RHOBTB2: variants seen among roughly 807,000 people sequenced by gnomAD.
The protein encoded by RHOBTB2 is rho-related BTB domain-containing protein 2.
Under a neutral mutation model 66.5 loss-of-function variants are expected in RHOBTB2, and 39 were observed. The ratio of observed to expected loss-of-function variants is 0.59; its 90% CI spans 0.45 to 0.77. The LOEUF (loss-of-function observed/expected upper bound fraction) is 0.77. RHOBTB2 is among the 30% of genes least tolerant of loss of function. The pLI, the probability that RHOBTB2 is intolerant of heterozygous loss-of-function variation, is 0.00. For synonymous variants in RHOBTB2, 390 were observed against 395.0 expected, an observed-to-expected ratio of 0.99 and a Z score of 0.15; for missense variants, 755 against 999.1, an observed-to-expected ratio of 0.76 and a Z score of 3.29.
chr8:22,994,587 C>A, upstream of RHOBTB2: 1 of 1,551,458 alleles, frequency 6.4e-7, no homozygotes, highest in Non-Finnish European at 8.7e-7. Context: ...CAGAGCGATG[C>A]AAGCCTGGAG....
the RHOBTB2 span, among the ~76,000 whole-genome samples, chr8:22,979,683 T>C: frequency 6.6e-6 from 1 of 151,730 alleles, no homozygotes; most frequent in East Asian, 1.9e-4. Context: ...TGAGCCAAAT[T>C]ATGGGAATTC....
At position 23,019,410 on chromosome 8, in the gene RHOBTB2, A is replaced by G. The variant is rs964631973; in HGVS notation, c.*1941A>G. 6.5e-6 allele frequency: 1 copy of G among 152,746 alleles called. No homozygotes were observed. 9.5% of individuals were successfully genotyped at this position (152,746 alleles called of 1,614,324 possible). Reference sequence around the variant, plus strand: ...GAAAGCCACGCGTATGCTGCCCTCTACAGGCTGCTCGGCCTCCCTGCAGCT... The same window carrying G: ...GAAAGCCACGCGTATGCTGCCCTCTGCAGGCTGCTCGGCCTCCCTGCAGCT... On this transcript the variant is annotated 3_prime_UTR_variant, in exon 10 of 10. Transcript: ENST00000251822.
chr8:22,964,880 G>A, the RHOBTB2 span, among the ~76,000 whole-genome samples: 9 of 150,864 alleles, frequency 6.0e-5, no homozygotes, highest in African/African-American at 1.2e-4. Flanking sequence ...GCAATGGTGC[G>A]GTCTCAACTC....
the RHOBTB2 span, among the ~76,000 whole-genome samples, chr8:22,980,439 C>T: frequency 5.3e-5 from 8 of 152,170 alleles, no homozygotes; most frequent in Non-Finnish European, 1.2e-4. Context: ...ATTATAACTG[C>T]ATGTTCATTG....
chr8:22,967,319 T>C, the RHOBTB2 span, among the ~76,000 whole-genome samples: 1 of 151,966 alleles, frequency 6.6e-6, no homozygotes, highest in Non-Finnish European at 1.5e-5. Context: ...CATAAAAGGG[T>C]AAATACTGGC....
chr8:23,005,911 T>C (rs776846071), intron 3 of RHOBTB2, 49 bp from the exon 4 acceptor site: 1 of 1,564,046 alleles, frequency 6.4e-7, no homozygotes, highest in East Asian at 2.3e-5. Flanking sequence ...CAGGACCAGG[T>C]AAGCTACCAC....
intron 1 of RHOBTB2, among the ~76,000 whole-genome samples, chr8:23,000,872 C>T (rs1176410134): frequency 3.3e-5 from 5 of 152,130 alleles, no homozygotes; most frequent in Non-Finnish European, 7.4e-5. Context: ...AGGAGACAAG[C>T]CAGGCTCCCA....
chr8:22,993,248 C>A (rs770041238), intron 2 of RHOBTB2, among the ~76,000 whole-genome samples: 1 of 152,164 alleles, frequency 6.6e-6, no homozygotes, highest in Non-Finnish European at 1.5e-5. Context: ...CAGCCTCGAA[C>A]TCCTGGGCTC....
At chr8:22,956,679 G>C in the RHOBTB2 span, among the ~76,000 whole-genome samples, 1 of 152,118 alleles carries the variant, frequency 6.6e-6, no homozygotes, top group Non-Finnish European at 1.5e-5. Context: ...GTTTGTTTTT[G>C]AGACAGGGTT....
the RHOBTB2 span, among the ~76,000 whole-genome samples, chr8:22,962,213 AGGAAAGAAAG>A: frequency 4.3e-5 from 5 of 115,868 alleles, no homozygotes; most frequent in South Asian, 2.9e-4. Context: ...AAAAAAAAAA[AGGAAAGAAAG>A]AGAAAGTAAC....
chr8:23,002,604 C>T (rs574275123), intron 1 of RHOBTB2, among the ~76,000 whole-genome samples: 2 of 152,310 alleles, frequency 1.3e-5, no homozygotes, highest in African/African-American at 4.8e-5. Context: ...GCAGGAGAAT[C>T]ACTTGAACCC....
chr8:22,998,365 G>A (rs368148642), upstream of RHOBTB2, among the ~76,000 whole-genome samples: 292 of 152,200 alleles, frequency 1.9e-3, 1 homozygote, highest in African/African-American at 6.6e-3. Flanking sequence ...GGCTGGTCTG[G>A]GCTTTAAAAA....
chr8:22,967,601 C>G, the RHOBTB2 span, among the ~76,000 whole-genome samples: 1 of 45,264 alleles, frequency 2.2e-5, no homozygotes, highest in Admixed American at 3.2e-4. Context: ...AAAACTCTGT[C>G]TAAAAAAAAA....
chr8:22,955,134 A>G, the RHOBTB2 span, among the ~76,000 whole-genome samples: 1 of 152,204 alleles, frequency 6.6e-6, no homozygotes, highest in Non-Finnish European at 1.5e-5. Flanking sequence ...CTGTCTCAAA[A>G]AAAAGAAAAG....
rs374215851 is a variant in RHOBTB2, at chr8:23,004,560, G to A, written c.126G>A (p.Gln42=). The A allele has an allele frequency of 9.3e-6, 15 of 1,614,086 alleles. No individual in the cohort carries two copies. Among genetic ancestry groups the A allele is most frequent in the Non-Finnish European group, 1.3e-5 (15 of 1,180,050 alleles). Residue 42 remains glutamine, a synonymous_variant, in exon 2 of 10, where the codon CAG becomes CAA. Coordinates refer to ENST00000251822, the MANE Select transcript of RHOBTB2 (RefSeq NM_015178.3). This position sits in a 1 kb window ranked among gnomAD's most constrained non-coding sequence, Gnocchi z 6.4. The part of the protein sequence containing the change: ...CARACNATLT[Q]YQLLATHVPT... The stretch of plus-strand genomic sequence containing the variant: ...GCGCTTGCAATGCCACCCTCACCCA[G>A]TACCAGCTGCTGGCCACGCATGTGC...
chr8:22,969,209 C>A, the RHOBTB2 span, among the ~76,000 whole-genome samples: 2 of 152,182 alleles, frequency 1.3e-5, no homozygotes, highest in African/African-American at 4.8e-5. Flanking sequence ...ACCATCAGCT[C>A]TTGTGTGACT....
upstream of RHOBTB2, among the ~76,000 whole-genome samples, chr8:22,998,742 A>AG (rs1158712222): frequency 6.6e-6 from 1 of 150,518 alleles, no homozygotes; most frequent in Admixed American, 6.6e-5. Flanking sequence ...AAAAAAAAAA[A>AG]AAAAGATTAT....
chr8:22,958,846 A>G, the RHOBTB2 span, among the ~76,000 whole-genome samples: 1 of 150,564 alleles, frequency 6.6e-6, no homozygotes, highest in African/African-American at 2.4e-5. Flanking sequence ...CATCTGAAGT[A>G]TGCTCTGAGG....
At position 22,993,915 on chromosome 8, in the gene RHOBTB2, G is replaced by A. The variant is rs1810482772; in HGVS notation, c.-23-646G>A. On this transcript the variant is annotated intron_variant, in intron 2 of 11. Coordinates refer to the RHOBTB2 transcript ENST00000519685. ...GACCATTTAAAGAAACTGAAGGTGG[G>A]GACGTTGCAGAATTAGATTCTCTTT... Among the ~76,000 whole-genome samples the A allele has an allele frequency of 2.6e-5, 4 of 152,184 alleles. No individual in the cohort carries two copies. In the South Asian group the frequency reaches 8.3e-4, roughly 32 times the overall value.
Sources: allele counts gnomAD v4.1 joint callset (sites outside exome capture counted in the v4.1 genomes callset), GRCh38; gene constraint gnomAD v4.1.1; non-coding constraint Gnocchi (gnomAD v3.1); transcripts MANE v1.5; gene names NCBI Gene and HGNC (gene_info 2026-07-23, HGNC 2026-07-21).